Variants in LIMCH1 observed in about 807,000 individuals in gnomAD.
LIMCH1 encodes the protein LIM and calponin homology domains 1, also known as LIM and calponin homology domains-containing protein 1.
LIMCH1 carries 113 observed loss-of-function variants against 176.5 expected under a neutral mutation model. The observed-to-expected ratio is 0.64, with a 90% CI of 0.55 to 0.75. LIMCH1 has a LOEUF of 0.75. Among genes scored for constraint, LIMCH1 ranks in the 30% least tolerant of loss-of-function variants. The pLI, the probability that LIMCH1 is intolerant of heterozygous loss-of-function variation, is 0.00. For synonymous variants in LIMCH1, 619 were observed against 645.9 expected, an observed-to-expected ratio of 0.96 and a Z score of 0.63; for missense variants, 1,674 against 1,814.9, an observed-to-expected ratio of 0.92 and a Z score of 1.41.
At chr4:41,574,822 C>T (rs2084193180) in intron 1 of LIMCH1, among the ~76,000 whole-genome samples, 2 of 152,176 alleles carry the variant, frequency 1.3e-5, no homozygotes, top group African/African-American at 4.8e-5. Context: ...GTTTAAATCC[C>T]ATCTCTACCA....
In LIMCH1 at chr4:41,629,553, A is replaced by G. The variant is rs1258862496; in HGVS notation, c.1090A>G (p.Ser364Gly). 32 of 1,536,022 alleles carry G rather than the reference A, an allele frequency of 2.1e-5. No individual in the cohort carries two copies. The highest frequency in any genetic ancestry group is 2.6e-5 in the Non-Finnish European group (30 of 1,146,930). ...IVTCNMRAQE[S>G]EPVEGGLRKV... ...GACCTGTAACATGAGGGCTCAGGAA[A>G]GTGAACCTGTGGAAGGAGGACTCAG... Residue 364 changes from serine (S) to glycine (G), a missense_variant, in exon 9 of 32, where the codon AGT becomes GGT. Ser to Gly is a moderately conservative substitution (Grantham distance 56). Around this residue, in one of 3 missense-constraint regions of LIMCH1, gnomAD observed 655 missense variants for 692.2 expected, o/e 0.95. Transcript: ENST00000503057.
At chr4:41,541,834 G>A (rs948206789) in intron 1 of LIMCH1, among the ~76,000 whole-genome samples, 8 of 152,186 alleles carry the variant, frequency 5.3e-5, no homozygotes, top group Non-Finnish European at 1.0e-4. Context: ...TTCCACAAGC[G>A]TTTCTGTGGG....
Position 41,407,897 on chromosome 4 carries a change from G to A in LIMCH1, c.96+46961G>A, listed in dbSNP as rs550305653. On this transcript the variant is annotated intron_variant, in intron 1 of 26. Coordinates refer to the LIMCH1 transcript ENST00000313860. ...CTGGACACTTAAAATTAGTCACTTA[G>A]TGGATCAACTAAGTGCGTATTGCTG... Among the ~76,000 whole-genome samples, 3 of 152,250 alleles carry A rather than the reference G, an allele frequency of 2.0e-5. No individual in the cohort carries two copies. In the South Asian group the frequency reaches 6.2e-4, roughly 32 times the overall value.
chr4:41,397,763 T>C (rs555725177), intron 1 of LIMCH1, among the ~76,000 whole-genome samples: 1 of 152,336 alleles, frequency 6.6e-6, no homozygotes, highest in South Asian at 2.1e-4. Context: ...AAACCTCCCA[T>C]TATGATGGTG....
At chr4:41,363,415 GT>G (rs913862771) in intron 1 of LIMCH1, among the ~76,000 whole-genome samples, 6 of 152,044 alleles carry the variant, frequency 3.9e-5, no homozygotes, top group African/African-American at 1.4e-4. Context: ...TTTCCCATAG[GT>G]TTTTTTTCTT....
At chr4:41,620,813 G>T in intron 7 of LIMCH1, 123 bp downstream of exon 7, 1 of 1,124,662 alleles carries the variant, frequency 8.9e-7, no homozygotes, top group Non-Finnish European at 1.2e-6. Context: ...TTGCATCACT[G>T]TTCCCTGCTC....
chr4:41,646,502 A>G lies in LIMCH1; in HGVS notation c.2429A>G (p.Glu810Gly), dbSNP rs777991253. The change falls in exon 17 of 32, where the codon GAG (glutamate) becomes GGG (glycine). Residue 810 changes from glutamate to glycine, a missense_variant. Glu to Gly is a moderately conservative substitution (Grantham distance 98). This residue lies in a region of LIMCH1 where 1,015 missense variants were observed against 1,102.5 expected (regional missense o/e 0.92). Transcript: ENST00000503057. ...IVQEKERRER[E>G]LHEAYKNARS... ...TCCTTTAGAGAGCGGAGAGAGAGAG[A>G]GCTGCATGAAGCATATAAGAACGCT... The G allele has an allele frequency of 6.2e-7, 1 of 1,613,384 alleles. No individual in the cohort carries two copies. The highest frequency in any genetic ancestry group is 8.5e-7 in the Non-Finnish European group (1 of 1,179,428).
At chr4:41,518,652 G>C (rs1018307373) in intron 2 of LIMCH1, among the ~76,000 whole-genome samples, 1 of 152,108 alleles carries the variant, frequency 6.6e-6, no homozygotes, top group Admixed American at 6.6e-5. Flanking sequence ...GTGCCATGGT[G>C]GTTTGCTGCA....
rs75825933 is a variant in LIMCH1 at position 41,682,519 on chromosome 4, G to A, written c.3845+59G>A. On this transcript the variant is annotated intron_variant, in intron 26 of 31. Transcript: ENST00000503057. ...ACAAAGCTGGGCTCTGCTCGTGCAC[G>A]CTCAGGAAGGGTACTCATTGCTGAT... 640 of 1,557,492 alleles carry A rather than the reference G, an allele frequency of 4.1e-4. 8 individuals carry two copies. In the East Asian group the frequency reaches 0.014, roughly 34 times the overall value.
chr4:41,562,042 T>C (rs2082135949), intron 1 of LIMCH1, among the ~76,000 whole-genome samples: 1 of 152,174 alleles, frequency 6.6e-6, no homozygotes. Context: ...TTATTTTGCT[T>C]CTGCCTCTGT....
intron 1 of LIMCH1, among the ~76,000 whole-genome samples, chr4:41,394,688 A>G (rs572539372): frequency 1.3e-5 from 2 of 152,152 alleles, no homozygotes. Context: ...TGGAAATCAC[A>G]TGTTTTGGGG....
At position 41,631,904 on chromosome 4, in the gene LIMCH1, A is replaced by G. The variant is rs143488225; in HGVS notation, c.1601+427A>G. Reference sequence around the variant, plus strand: ...AGTATCATGAGTTCACGTTTCAGACATACATCTAAGTAGACATATTAAAAA... The same window carrying G: ...AGTATCATGAGTTCACGTTTCAGACGTACATCTAAGTAGACATATTAAAAA... On this transcript the variant is annotated intron_variant, in intron 10 of 31. Transcript: ENST00000503057. Among the ~76,000 whole-genome samples, 437 of 152,358 alleles carry G rather than the reference A, an allele frequency of 2.9e-3. 4 individuals carry two copies. Among genetic ancestry groups the G allele is most frequent in the Middle Eastern group, 0.014 (4 of 294 alleles).
chr4:41,472,403 C>G (rs984109423), intron 1 of LIMCH1, among the ~76,000 whole-genome samples: 4 of 145,908 alleles, frequency 2.7e-5, no homozygotes, highest in African/African-American at 7.5e-5. Flanking sequence ...CTCTCTCTCT[C>G]TCTTTCCTTC....
chr4:41,412,706 C>A (rs1047501134), intron 1 of LIMCH1, among the ~76,000 whole-genome samples: 1 of 152,090 alleles, frequency 6.6e-6, no homozygotes, highest in African/African-American at 2.4e-5. Flanking sequence ...AAATGAGAGA[C>A]CAAGAGACTC....
At chr4:41,562,874 T>C (rs1408710668) in intron 1 of LIMCH1, among the ~76,000 whole-genome samples, 2 of 152,116 alleles carry the variant, frequency 1.3e-5, no homozygotes, top group Non-Finnish European at 2.9e-5. Context: ...AACTGATAAA[T>C]GTTTGATAGA....
chr4:41,542,498 G>A (rs568610862), intron 1 of LIMCH1, among the ~76,000 whole-genome samples: 2 of 152,100 alleles, frequency 1.3e-5, no homozygotes, highest in African/African-American at 4.8e-5. Flanking sequence ...CTTCCTTATA[G>A]GAAGAAGAGA....
chr4:41,443,051 G>A (rs1029168210), intron 1 of LIMCH1, among the ~76,000 whole-genome samples: 1 of 152,046 alleles, frequency 6.6e-6, no homozygotes, highest in African/African-American at 2.4e-5. Flanking sequence ...TTTCATGTGT[G>A]TTTAGTTAGA....
chr4:41,506,606 A>G (rs1003856401), intron 2 of LIMCH1, among the ~76,000 whole-genome samples: 2 of 152,216 alleles, frequency 1.3e-5, no homozygotes, highest in Admixed American at 6.5e-5. Flanking sequence ...ACAAAGATTT[A>G]ATCTCCAAGA....
In LIMCH1 at chr4:41,419,568, T is replaced by TTCCGTCCTTCCTTCCG. The variant is rs1561308689; in HGVS notation, c.96+58635_96+58636insGTCCTTCCTTCCGTCC. 1.3e-4 allele frequency among the ~76,000 whole-genome samples: 9 copies of TTCCGTCCTTCCTTCCG among 71,926 alleles called. 1 individual carries two copies. The highest frequency in any genetic ancestry group is 9.9e-5 in the Non-Finnish European group (4 of 40,306). The allele number at this position is 71,926 out of a possible 152,430, so 47.2% of individuals were successfully genotyped here. A position where few individuals can be genotyped will look rare whatever the true frequency, so the allele number is the denominator to read the frequency against. On this transcript the variant is annotated intron_variant, in intron 1 of 26. Transcript: ENST00000313860. ...TTTTCTTCCTTTCCTTTCCCCTTCC[T>TTCCGTCCTTCCTTCCG]TCCTTCCTTCCTTCCTTCCTTCCTT...
Sources: allele counts gnomAD v4.1 joint callset (sites outside exome capture counted in the v4.1 genomes callset), GRCh38; gene constraint gnomAD v4.1.1; regional missense constraint gnomAD v4.1.1; transcripts MANE v1.5; gene names NCBI Gene and HGNC (gene_info 2026-07-23, HGNC 2026-07-21).